SMAD3: variants seen among roughly 807,000 people sequenced by gnomAD.
SMAD3 encodes SMAD family member 3.
SMAD3 carries 12 observed loss-of-function variants against 51.8 expected under a neutral mutation model. The ratio of observed to expected loss-of-function variants is 0.23; its 90% CI spans 0.15 to 0.38. The LOEUF (loss-of-function observed/expected upper bound fraction) is 0.38, where lower values mean the gene tolerates loss of function less well. Ranked by LOEUF, SMAD3 falls within the 10% of genes least tolerant of loss-of-function variation. The probability of loss-of-function intolerance (pLI) is 1.00; values close to 1 mark genes in which losing one functional copy is unlikely to be tolerated. For synonymous variants in SMAD3, 238 were observed against 227.7 expected, an observed-to-expected ratio of 1.05 and a Z score of -0.41; for missense variants, 294 against 565.6, an observed-to-expected ratio of 0.52 and a Z score of 4.87.
chr15:67,073,208 A>G (rs1960094881), intron 1 of SMAD3, among the ~76,000 whole-genome samples: 1 of 152,250 alleles, frequency 6.6e-6, no homozygotes. Flanking sequence ...TCTGTATAAC[A>G]TAATCCTTTG....
intron 1 of SMAD3, among the ~76,000 whole-genome samples, chr15:67,094,618 G>A (rs1960577144): frequency 6.6e-6 from 1 of 152,212 alleles, no homozygotes; most frequent in Non-Finnish European, 1.5e-5. Context: ...TACTTCTAAT[G>A]TGGCCAGGGC....
intron 1 of SMAD3, among the ~76,000 whole-genome samples, chr15:67,096,587 A>G (rs917697667): frequency 2.0e-5 from 3 of 152,194 alleles, no homozygotes; most frequent in Admixed American, 2.0e-4. Context: ...ACATCAAGAG[A>G]GAGACTGTGG....
rs562018400 is a variant in SMAD3, at chr15:67,182,584, A to G, written c.871+1131A>G. Reference sequence around the variant, plus strand: ...TTTATATCTCGGGCTCTCACAGAAGACTTCATTTGAAGAGAGGATTGATTC... The same window carrying G: ...TTTATATCTCGGGCTCTCACAGAAGGCTTCATTTGAAGAGAGGATTGATTC... On this transcript the variant is annotated intron_variant, in intron 6 of 8. Transcript: ENST00000327367. Among the ~76,000 whole-genome samples the G allele has an allele frequency of 1.1e-4, 16 of 152,170 alleles. No homozygotes were observed. In the East Asian group the frequency reaches 2.7e-3, roughly 26 times the overall value.
At chr15:67,111,693 G>A (rs1961017373) in intron 1 of SMAD3, among the ~76,000 whole-genome samples, 7 of 152,276 alleles carry the variant, frequency 4.6e-5, no homozygotes, top group Admixed American at 3.3e-4. Flanking sequence ...CATTCTAGTG[G>A]ATGTGAGGTG....
chr15:67,142,769 C>T (rs1372285347), intron 1 of SMAD3: 1 of 416,666 alleles, frequency 2.4e-6, no homozygotes, highest in Admixed American at 2.7e-5. Flanking sequence ...CTCAACATTT[C>T]AAGGAGAAAA....
chr15:67,158,766 C>A (rs1962348983), intron 1 of SMAD3, among the ~76,000 whole-genome samples: 1 of 152,216 alleles, frequency 6.6e-6, no homozygotes, highest in South Asian at 2.1e-4. Context: ...ACATTCAAAG[C>A]ACCAGACAGA....
intron 1 of SMAD3, among the ~76,000 whole-genome samples, chr15:67,075,021 T>G (rs1168420381): frequency 6.6e-6 from 1 of 152,122 alleles, no homozygotes; most frequent in African/African-American, 2.4e-5. Context: ...TCACCATTTT[T>G]TTTTTCTTTT....
chr15:67,169,822 A>G (rs1336767132), intron 4 of SMAD3, among the ~76,000 whole-genome samples: 1 of 151,944 alleles, frequency 6.6e-6, no homozygotes, highest in Non-Finnish European at 1.5e-5. Context: ...CTGCTCTGGA[A>G]AAGTGTCCAC....
chr15:67,178,488 T>C (rs1252319620), intron 5 of SMAD3, among the ~76,000 whole-genome samples: 1 of 152,118 alleles, frequency 6.6e-6, no homozygotes, highest in East Asian at 1.9e-4. Context: ...GGTGGTCAGC[T>C]TTATTGTAGC....
intron 1 of SMAD3, among the ~76,000 whole-genome samples, chr15:67,072,831 C>T (rs1960086295): frequency 6.6e-6 from 1 of 152,206 alleles, no homozygotes; most frequent in African/African-American, 2.4e-5. Flanking sequence ...GGGAAGTTGC[C>T]ATCCTAAGCC....
intron 1 of SMAD3, among the ~76,000 whole-genome samples, chr15:67,134,630 G>C (rs1961609365): frequency 6.6e-6 from 1 of 152,146 alleles, no homozygotes; most frequent in Non-Finnish European, 1.5e-5. Flanking sequence ...CCAGCCCCTT[G>C]GGCTTTCTTT....
chr15:67,131,385 T>G (rs1388132862), intron 1 of SMAD3, among the ~76,000 whole-genome samples: 1 of 152,210 alleles, frequency 6.6e-6, no homozygotes, highest in Non-Finnish European at 1.5e-5. Context: ...GTCGTTGAGT[T>G]GTTTCTATTT....
At chr15:67,124,562 G>A (rs1961341345) in intron 1 of SMAD3, among the ~76,000 whole-genome samples, 1 of 152,220 alleles carries the variant, frequency 6.6e-6, no homozygotes, top group Non-Finnish European at 1.5e-5. Flanking sequence ...AAAGATTTTG[G>A]TTGTCCTTTG....
chr15:67,068,017 G>A (rs923982881), intron 1 of SMAD3, among the ~76,000 whole-genome samples: 1 of 151,924 alleles, frequency 6.6e-6, no homozygotes, highest in Non-Finnish European at 1.5e-5. Context: ...TGAAACAGAA[G>A]AAAAAAAGTG....
At chr15:67,133,172 C>G (rs1281118933) in intron 1 of SMAD3, among the ~76,000 whole-genome samples, 2 of 152,204 alleles carry the variant, frequency 1.3e-5, no homozygotes, top group African/African-American at 4.8e-5. Context: ...CTTCTCCAGG[C>G]AAGTGGCTGT....
At chr15:67,071,414 G>A (rs1284364221) in intron 1 of SMAD3, among the ~76,000 whole-genome samples, 1 of 152,190 alleles carries the variant, frequency 6.6e-6, no homozygotes, top group African/African-American at 2.4e-5. Context: ...TCTCTTTGAA[G>A]TAAAAAGTAA....
intron 1 of SMAD3, among the ~76,000 whole-genome samples, chr15:67,142,199 A>ACCGC (rs1555410235): frequency 7.8e-6 from 1 of 127,952 alleles, no homozygotes; most frequent in Non-Finnish European, 1.6e-5. Context: ...TCCTCCCCAC[A>ACCGC]CCCCCCCCAC....
intron 1 of SMAD3, among the ~76,000 whole-genome samples, chr15:67,100,664 T>C (rs1385339380): frequency 2.0e-5 from 3 of 152,188 alleles, no homozygotes; most frequent in Non-Finnish European, 4.4e-5. Flanking sequence ...AAATCAAATG[T>C]ATTCCTCTAA....
intron 4 of SMAD3, among the ~76,000 whole-genome samples, chr15:67,168,684 C>G: frequency 6.6e-6 from 1 of 152,228 alleles, no homozygotes; most frequent in Middle Eastern, 3.2e-3. Flanking sequence ...TCCCTTTACT[C>G]TGTCCCCTCT....
Sources: gnomAD v4.1 joint callset for allele counts (sites outside exome capture counted in the v4.1 genomes callset) on GRCh38, gnomAD v4.1.1 for gene constraint, MANE v1.5 for transcripts, NCBI Gene and HGNC (gene_info 2026-07-23, HGNC 2026-07-21) for gene names.